LPP: variants seen among roughly 807,000 people sequenced by gnomAD.
LPP encodes lipoma-preferred partner.
LPP carries 38 observed loss-of-function variants against 60.4 expected under a neutral mutation model. The ratio of observed to expected loss-of-function variants is 0.63; its 90% CI spans 0.49 to 0.83. The LOEUF (loss-of-function observed/expected upper bound fraction) is 0.83. Among genes scored for constraint, LPP ranks in the 40% least tolerant of loss-of-function variants. The pLI, the probability that LPP is intolerant of heterozygous loss-of-function variation, is 0.00. For synonymous variants in LPP, 328 were observed against 290.8 expected (o/e 1.13, Z -1.30); for missense variants, 902 against 783.6 (o/e 1.15, Z -1.80).
intron 9 of LPP, among the ~76,000 whole-genome samples, chr3:188,833,777 A>T (rs1327784092): frequency 1.3e-5 from 2 of 152,198 alleles, no homozygotes; most frequent in African/African-American, 4.8e-5. Flanking sequence ...CTGAGCAATT[A>T]TGAGGATGTT....
chr3:188,276,786 G>T (rs559900776), intron 2 of LPP, among the ~76,000 whole-genome samples: 1 of 148,878 alleles, frequency 6.7e-6, no homozygotes, highest in Non-Finnish European at 1.5e-5. Flanking sequence ...CTTCTGCCAC[G>T]TTGGGAAGCT....
At chr3:188,718,369 G>C (rs1276287052) in intron 8 of LPP, among the ~76,000 whole-genome samples, 1 of 152,030 alleles carries the variant, frequency 6.6e-6, no homozygotes, top group Non-Finnish European at 1.5e-5. Flanking sequence ...ACATAGGTCG[G>C]GCCTGCTACT....
chr3:188,812,595 A>G (rs1279566135), intron 9 of LPP, among the ~76,000 whole-genome samples: 1 of 152,192 alleles, frequency 6.6e-6, no homozygotes. Flanking sequence ...TTATATTTTT[A>G]AAACCAAATA....
intron 7 of LPP, among the ~76,000 whole-genome samples, chr3:188,707,839 C>T (rs1196253658): frequency 6.6e-6 from 1 of 152,142 alleles, no homozygotes; most frequent in South Asian, 2.1e-4. Context: ...GCGGGCTATG[C>T]GAGAGGTCCC....
intron 7 of LPP, among the ~76,000 whole-genome samples, chr3:188,622,044 A>G (rs1408590094): frequency 1.3e-5 from 2 of 152,118 alleles, no homozygotes; most frequent in Admixed American, 6.5e-5. Flanking sequence ...AGTTTTGTCT[A>G]TTTCTATTTC....
At chr3:188,692,565 C>G (rs996400722) in intron 7 of LPP, among the ~76,000 whole-genome samples, 3 of 152,192 alleles carry the variant, frequency 2.0e-5, no homozygotes, top group Non-Finnish European at 4.4e-5. Context: ...ACAACCATCT[C>G]CCCTTTCTCT....
chr3:188,814,988 G>T (rs149008312), intron 9 of LPP, among the ~76,000 whole-genome samples: 2 of 152,274 alleles, frequency 1.3e-5, no homozygotes, highest in African/African-American at 4.8e-5. Context: ...TCCTCCCTTT[G>T]GGTATTTGAT....
chr3:188,599,792 T>TGTGTGTGTG (rs1479284185), intron 6 of LPP, among the ~76,000 whole-genome samples: 19 of 76,878 alleles, frequency 2.5e-4, no homozygotes, highest in Admixed American at 1.1e-3. Flanking sequence ...GTGTGTGTGG[T>TGTGTGTGTG]GTGTGCTTTA....
intron 6 of LPP, among the ~76,000 whole-genome samples, chr3:188,557,747 C>A (rs577907559): frequency 1.5e-4 from 23 of 152,186 alleles, no homozygotes; most frequent in African/African-American, 5.5e-4. Flanking sequence ...TCTATTGTTG[C>A]TAATGCCATA....
intron 2 of LPP, among the ~76,000 whole-genome samples, chr3:188,325,155 A>G (rs1332325770): frequency 6.6e-6 from 1 of 151,728 alleles, no homozygotes; most frequent in Non-Finnish European, 1.5e-5. Context: ...TAATTTTTGT[A>G]TTTTTAGTAG....
rs1761476186 is a variant in LPP at position 188,846,626 on chromosome 3, G to A, written c.1411-19574G>A. On this transcript the variant is annotated intron_variant, in intron 9 of 11. Coordinates refer to ENST00000617246, the MANE Select transcript of LPP (RefSeq NM_001375462.1). ...TTGAACCCAGGAGGTGGAGGTTGCAGTGAGCCAAGATTGCACCACTGCACT... is the reference window on the plus strand; with the variant it reads ...TTGAACCCAGGAGGTGGAGGTTGCAATGAGCCAAGATTGCACCACTGCACT... Among the ~76,000 whole-genome samples, 3 of 145,312 alleles carry A rather than the reference G, an allele frequency of 2.1e-5. No individual in the cohort carries two copies. The Admixed American group carries it at 2.1e-4, about 10-fold the overall frequency.
chr3:188,407,781 T>TG lies in LPP; in HGVS notation c.193+1468_193+1469insG, dbSNP rs1560364236. Among the ~76,000 whole-genome samples the TG allele has an allele frequency of 2.2e-4, 9 of 41,210 alleles. 1 individual carries two copies. Among genetic ancestry groups the TG allele is most frequent in the African/African-American group, 5.9e-4 (9 of 15,234 alleles). The allele number at this position is 41,210 out of a possible 152,430, so 27.0% of individuals were successfully genotyped here. A position where few individuals can be genotyped will look rare whatever the true frequency, so the allele number is the denominator to read the frequency against. On this transcript the variant is annotated intron_variant, in intron 4 of 11. Transcript: ENST00000617246. ...TCCTCATTTATGGTTTTTTTTTTTG[T>TG]TTGTTTGTTTTTTTTTTTTTTTTTT...
Position 188,373,040 on chromosome 3 carries a change from T to TC in LPP, c.-10+31322dup, listed in dbSNP as rs775655963. 1.4e-3 allele frequency among the ~76,000 whole-genome samples: 36 copies of TC among 25,238 alleles called. No homozygotes were observed. The Non-Finnish European group carries it at 0.062, about 43-fold the overall frequency. The allele number at this position is 25,238 out of a possible 152,430, so 16.6% of individuals were successfully genotyped here. A position where few individuals can be genotyped will look rare whatever the true frequency, so the allele number is the denominator to read the frequency against. ...TGTCCCTACAAAGGACATGAACTCA[T>TC]CATTTTTATGGCTGCATAGTATTCC... is the stretch of plus-strand genomic sequence containing the variant. On this transcript the variant is annotated intron_variant, in intron 3 of 11. Transcript: ENST00000617246.
At chr3:188,642,617 C>A (rs1850372898) in intron 7 of LPP, among the ~76,000 whole-genome samples, 1 of 152,090 alleles carries the variant, frequency 6.6e-6, no homozygotes, top group Non-Finnish European at 1.5e-5. Flanking sequence ...AAATGCCATG[C>A]TGTGGGTGAT....
intron 4 of LPP, among the ~76,000 whole-genome samples, chr3:188,407,785 TTTG>T (rs1560364357): frequency 3.4e-5 from 3 of 88,476 alleles, no homozygotes; most frequent in African/African-American, 9.7e-5. Context: ...TTTTTGTTTG[TTTG>T]TTTTTTTTTT....
intron 7 of LPP, among the ~76,000 whole-genome samples, chr3:188,686,909 A>G (rs1265093838): frequency 6.6e-6 from 1 of 152,220 alleles, no homozygotes; most frequent in Non-Finnish European, 1.5e-5. Flanking sequence ...TGTGAAAGCT[A>G]CTTCTAATCT....
At chr3:188,245,655 C>T (rs557922875) in intron 2 of LPP, among the ~76,000 whole-genome samples, 2,557 of 147,154 alleles carry the variant, frequency 0.017, 67 homozygotes, top group African/African-American at 0.057. Flanking sequence ...TAACCCCACA[C>T]TTTTTTTTTT....
At chr3:188,677,927 G>A (rs922840716) in intron 7 of LPP, among the ~76,000 whole-genome samples, 3 of 152,062 alleles carry the variant, frequency 2.0e-5, no homozygotes, top group African/African-American at 7.2e-5. Context: ...AATGACAGAG[G>A]ACGCTGATAC....
intron 3 of LPP, among the ~76,000 whole-genome samples, chr3:188,348,256 C>T (rs946410780): frequency 1.3e-5 from 2 of 152,082 alleles, no homozygotes; most frequent in Non-Finnish European, 2.9e-5. Flanking sequence ...AAGCGATTCT[C>T]CTGCTTCAGC....
Sources: gnomAD v4.1 joint callset for allele counts (sites outside exome capture counted in the v4.1 genomes callset) on GRCh38, gnomAD v4.1.1 for gene constraint, MANE v1.5 for transcripts, NCBI Gene and HGNC (gene_info 2026-07-23, HGNC 2026-07-21) for gene names.